MDFIC2: variants seen among roughly 807,000 people sequenced by gnomAD.
The protein encoded by MDFIC2 is MyoD family inhibitor domain containing 2.
rs146528959 is a variant in MDFIC2, at chr3:70,222,336, C to T, written c.89-15546G>A. ...CTGTGTTACCATGAAGATAAAACTA[C>T]TCATTTTAGCTCATTGCTAAGAGCT... On this transcript the variant is annotated intron_variant, in intron 2 of 3. Coordinates refer to ENST00000567252, the MANE Select transcript of MDFIC2 (RefSeq NM_001364677.1). Among the ~76,000 whole-genome samples, 1,054 of 152,304 alleles carry T rather than the reference C, an allele frequency of 6.9e-3. 9 individuals carry two copies. Among genetic ancestry groups the T allele is most frequent in the Admixed American group, 0.011 (172 of 15,288 alleles).
intron 2 of MDFIC2, among the ~76,000 whole-genome samples, chr3:70,250,707 T>G (rs1004617517): frequency 1.3e-5 from 2 of 152,156 alleles, no homozygotes; most frequent in Non-Finnish European, 2.9e-5. Flanking sequence ...ATCCAGAGTT[T>G]CCACTGGCAA....
intron 2 of MDFIC2, among the ~76,000 whole-genome samples, chr3:70,286,465 T>G (rs556584404): frequency 9.2e-5 from 14 of 151,984 alleles, no homozygotes; most frequent in Non-Finnish European, 2.1e-4. Context: ...ACTGTAGCCT[T>G]GTAGTATAGT....
chr3:70,260,930 C>G (rs1486070105), intron 2 of MDFIC2, among the ~76,000 whole-genome samples: 1 of 152,106 alleles, frequency 6.6e-6, no homozygotes, highest in Non-Finnish European at 1.5e-5. Context: ...GATGGAGAAA[C>G]TGAGTCCAGG....
At chr3:70,291,851 A>G (rs1702242488) in intron 2 of MDFIC2, 1 of 152,208 alleles carries the variant, frequency 6.6e-6, no homozygotes, top group African/African-American at 2.4e-5. Context: ...TGGTGATCTT[A>G]TCTTCGGCTT....
At chr3:70,207,317 A>G (rs1161170732) in intron 2 of MDFIC2, among the ~76,000 whole-genome samples, 1 of 151,986 alleles carries the variant, frequency 6.6e-6, no homozygotes, top group Non-Finnish European at 1.5e-5. Flanking sequence ...TGTCCTCATA[A>G]CCTCACAGTG....
At position 70,306,471 on chromosome 3, in the gene MDFIC2, G is replaced by C. The variant is rs192587170; in HGVS notation, c.88+5415C>G. Among the ~76,000 whole-genome samples the C allele has an allele frequency of 2.6e-5, 4 of 152,016 alleles. No homozygotes were observed. In the East Asian group the frequency reaches 7.7e-4, roughly 29 times the overall value. ...TCATGTGACTGCTTACAGAAAAGAA[G>C]CTATACTTAATTCAAAATAACTACA... On this transcript the variant is annotated intron_variant, in intron 2 of 3. Transcript: ENST00000567252.
At chr3:70,226,744 A>G (rs1043953110) in intron 2 of MDFIC2, among the ~76,000 whole-genome samples, 2 of 151,782 alleles carry the variant, frequency 1.3e-5, no homozygotes. Flanking sequence ...TCTTAAAAAA[A>G]AAAAAAAAAA....
At chr3:70,224,717 G>GT (rs540424878) in intron 2 of MDFIC2, among the ~76,000 whole-genome samples, 4,916 of 148,736 alleles carry the variant, frequency 0.033, 148 homozygotes, top group Non-Finnish European at 0.044. Context: ...TTCACCCTTG[G>GT]TTTTTTTTTT....
intron 2 of MDFIC2, among the ~76,000 whole-genome samples, chr3:70,218,721 A>G (rs1433184803): frequency 6.6e-6 from 1 of 152,174 alleles, no homozygotes; most frequent in East Asian, 1.9e-4. Context: ...TAAAGCCTAC[A>G]AGAGACACAA....
intron 3 of MDFIC2, among the ~76,000 whole-genome samples, chr3:70,201,667 T>A (rs1251092015): frequency 6.6e-6 from 1 of 152,054 alleles, no homozygotes; most frequent in Non-Finnish European, 1.5e-5. Context: ...TCCTCCACAG[T>A]TTTTAACTAG....
rs138709924 is a variant in MDFIC2, at chr3:70,264,424, A to G, written c.88+47462T>C. Among the ~76,000 whole-genome samples, 786 of 152,370 alleles carry G rather than the reference A, an allele frequency of 5.2e-3. 2 individuals are homozygous for G. Among genetic ancestry groups the G allele is most frequent in the African/African-American group, 0.018 (732 of 41,592 alleles). ...ACAGGGCTTATCCAATGACTGTCTA[A>G]GAACTGAATATCGGCTTGCTAATTA... On this transcript the variant is annotated intron_variant, in intron 2 of 3. Transcript: ENST00000567252.
At chr3:70,259,865 T>C (rs546946261) in intron 2 of MDFIC2, among the ~76,000 whole-genome samples, 1 of 152,202 alleles carries the variant, frequency 6.6e-6, no homozygotes, top group South Asian at 2.1e-4. Context: ...CTTACAATCA[T>C]GGTGGAAGGT....
intron 2 of MDFIC2, among the ~76,000 whole-genome samples, chr3:70,228,914 G>T (rs945430408): frequency 6.6e-6 from 1 of 152,066 alleles, no homozygotes; most frequent in Non-Finnish European, 1.5e-5. Context: ...TCAGCTAAAA[G>T]GTGTGAGTTA....
intron 3 of MDFIC2, among the ~76,000 whole-genome samples, chr3:70,203,062 C>T (rs1442926536): frequency 6.6e-6 from 1 of 152,028 alleles, no homozygotes; most frequent in African/African-American, 2.4e-5. Context: ...CATTTCTGAG[C>T]TGCTGAAGCA....
chr3:70,242,034 A>G (rs1185580366), intron 2 of MDFIC2, among the ~76,000 whole-genome samples: 2 of 152,196 alleles, frequency 1.3e-5, no homozygotes, highest in Admixed American at 6.5e-5. Context: ...TGACTACACT[A>G]TCTTTGATGC....
At chr3:70,253,802 C>A (rs914407361) in intron 2 of MDFIC2, among the ~76,000 whole-genome samples, 9 of 152,124 alleles carry the variant, frequency 5.9e-5, no homozygotes, top group African/African-American at 2.2e-4. Context: ...CTCAATAAGA[C>A]TATACCATAA....
At chr3:70,198,482 G>A (rs1208904792) in intron 3 of MDFIC2, among the ~76,000 whole-genome samples, 2 of 152,168 alleles carry the variant, frequency 1.3e-5, no homozygotes, top group South Asian at 2.1e-4. Flanking sequence ...CTATGAAAAG[G>A]AACAAATATT....
chr3:70,246,291 C>T lies in MDFIC2; in HGVS notation c.89-39501G>A, dbSNP rs190975641. ...AAAGGATAAAGGTCACACTTTGTTA[C>T]TTGAGCAACATGTCAGAAACAGTTT... On this transcript the variant is annotated intron_variant, in intron 2 of 3. Transcript: ENST00000567252. 1.6e-4 allele frequency among the ~76,000 whole-genome samples: 25 copies of T among 152,182 alleles called. No homozygotes were observed. In the East Asian group the frequency reaches 4.8e-3, roughly 29 times the overall value.
intron 2 of MDFIC2, among the ~76,000 whole-genome samples, chr3:70,219,681 A>G (rs1701444821): frequency 6.6e-6 from 1 of 152,226 alleles, no homozygotes; most frequent in African/African-American, 2.4e-5. Flanking sequence ...ACAGAATTAA[A>G]ATCTGCATCA....
Sources: allele counts gnomAD v4.1 joint callset (sites outside exome capture counted in the v4.1 genomes callset), GRCh38; gene constraint gnomAD v4.1.1; transcripts MANE v1.5; gene names NCBI Gene and HGNC (gene_info 2026-07-23, HGNC 2026-07-21).